Variants in ANKFY1 observed in about 807,000 individuals in gnomAD.
The protein encoded by ANKFY1 is ankyrin repeat and FYVE domain-containing protein 1.
ANKFY1 carries 47 observed loss-of-function variants against 128.3 expected under a neutral mutation model. The ratio of observed to expected loss-of-function variants is 0.37; its 90% CI spans 0.29 to 0.47. The LOEUF is 0.47. Ranked by LOEUF, ANKFY1 falls within the 20% of genes least tolerant of loss-of-function variation. The pLI is 1.00. For synonymous variants in ANKFY1, 553 were observed against 601.6 expected, an observed-to-expected ratio of 0.92 and a Z score of 1.18; for missense variants, 1,222 against 1,510.6, an observed-to-expected ratio of 0.81 and a Z score of 3.17.
chr17:4,237,796 T>C (rs1409581304), intron 2 of ANKFY1, among the ~76,000 whole-genome samples: 1 of 152,108 alleles, frequency 6.6e-6, no homozygotes, highest in Admixed American at 6.5e-5. Context: ...GTTGAAACAA[T>C]TAAGGACCTA....
rs2059194858 is a variant in ANKFY1, at chr17:4,165,437, G to C, written c.*2342C>G. ...TTTGTACGCAAGTGTTGACAGCAGG[G>C]AGAGCACGGGAAGGGCTGGAAGCAT... On this transcript the variant is annotated 3_prime_UTR_variant, in exon 25 of 25. Transcript: ENST00000341657. The C allele has an allele frequency of 6.6e-6, 1 of 152,238 alleles. No homozygotes were observed. Among genetic ancestry groups the C allele is most frequent in the African/African-American group, 2.4e-5 (1 of 41,462 alleles). The allele number at this position is 152,238 out of a possible 1,614,324, so 9.4% of individuals were successfully genotyped here. A position where few individuals can be genotyped will look rare whatever the true frequency, so the allele number is the denominator to read the frequency against.
At position 4,189,405 on chromosome 17, in the gene ANKFY1, G is replaced by C. The variant is rs1395232215; in HGVS notation, c.1447C>G (p.His483Asp). 2 of 1,588,476 alleles carry C rather than the reference G, an allele frequency of 1.3e-6. No individual in the cohort carries two copies. Among genetic ancestry groups the C allele is most frequent in the Admixed American group, 1.7e-5 (1 of 57,894 alleles). ...AALFLATNGA[H>D]VNHRNKWGET... ...ACCCACTTGTTTCTGTGGTTGACATGGGCACCGTTGGTTGCCAGGAAAAGA... is the reference window on the plus strand; with the variant it reads ...ACCCACTTGTTTCTGTGGTTGACATCGGCACCGTTGGTTGCCAGGAAAAGA... Residue 483 changes from histidine to aspartate, a missense_variant, in exon 11 of 25, where the codon CAT (histidine) becomes GAT (aspartate). His to Asp is a moderately conservative substitution (Grantham distance 81). Transcript: ENST00000341657.
intron 7 of ANKFY1, among the ~76,000 whole-genome samples, chr17:4,201,487 T>C (rs1412609583): frequency 6.0e-4 from 5 of 8,372 alleles, no homozygotes; most frequent in African/African-American, 6.3e-4. Flanking sequence ...TGATTTTTTT[T>C]TTTTTTTTTT....
chr17:4,180,033 G>A (rs928269851), intron 16 of ANKFY1, 156 bp from the exon 17 acceptor site: 21 of 897,730 alleles, frequency 2.3e-5, no homozygotes, highest in Non-Finnish European at 3.4e-5. Flanking sequence ...TACCAGAGTC[G>A]GGGTTCCACT....
intron 4 of ANKFY1, among the ~76,000 whole-genome samples, chr17:4,211,726 C>T (rs2060134139): frequency 2.0e-5 from 3 of 151,910 alleles, no homozygotes; most frequent in Admixed American, 1.3e-4. Context: ...AGAAATTAGG[C>T]AGGCATGGTA....
At chr17:4,202,696 CAAAAAA>C (rs60561665) in intron 7 of ANKFY1, among the ~76,000 whole-genome samples, 7 of 74,700 alleles carry the variant, frequency 9.4e-5, no homozygotes, top group African/African-American at 2.6e-4. Flanking sequence ...AACTCCGTCT[CAAAAAA>C]AAAAAAAAAA....
chr17:4,230,406 G>T (rs116808037), intron 3 of ANKFY1, among the ~76,000 whole-genome samples: 281 of 152,298 alleles, frequency 1.8e-3, no homozygotes, highest in African/African-American at 6.6e-3. Context: ...CTTCAAAACA[G>T]CCATTCTAAT....
intron 3 of ANKFY1, among the ~76,000 whole-genome samples, chr17:4,228,886 T>C (rs989851363): frequency 3.9e-5 from 6 of 152,224 alleles, no homozygotes; most frequent in Non-Finnish European, 8.8e-5. Flanking sequence ...CTGTGGTTAA[T>C]GGCACGAATT....
Position 4,252,569 on chromosome 17 carries a change from A to C in ANKFY1, c.11-10121T>G, listed in dbSNP as rs140736791. ...GGGTAACAAAAAACAAACAAACAAA[A>C]AAAAAATTGGAGAACTAGAAGCTAG... On this transcript the variant is annotated intron_variant, in intron 1 of 24. Coordinates refer to ENST00000341657, the MANE Select transcript of ANKFY1 (RefSeq NM_001330063.2). Among the ~76,000 whole-genome samples the C allele has an allele frequency of 6.8e-4, 103 of 152,054 alleles. 1 individual carries two copies. The highest frequency in any genetic ancestry group is 1.7e-3 in the African/African-American group (69 of 41,350).
intron 2 of ANKFY1, among the ~76,000 whole-genome samples, chr17:4,238,421 A>G (rs538306602): frequency 6.6e-6 from 1 of 152,050 alleles, no homozygotes; most frequent in Admixed American, 6.6e-5. Context: ...CCTATCTGAT[A>G]TTTAACTGTA....
chr17:4,196,436 G>A (rs1437357534), intron 8 of ANKFY1, among the ~76,000 whole-genome samples: 3 of 151,992 alleles, frequency 2.0e-5, no homozygotes, highest in Non-Finnish European at 2.9e-5. Flanking sequence ...AATGACAAGC[G>A]GGTCCCAACT....
At chr17:4,241,951 C>T (rs1245185821) in intron 2 of ANKFY1, among the ~76,000 whole-genome samples, 13 of 151,584 alleles carry the variant, frequency 8.6e-5, no homozygotes, top group Admixed American at 7.2e-4. Context: ...TAGCCGGGCA[C>T]GGTGGTGGGC....
chr17:4,224,284 G>A (rs1402170062), intron 3 of ANKFY1, among the ~76,000 whole-genome samples: 6 of 131,702 alleles, frequency 4.6e-5, no homozygotes, highest in African/African-American at 1.4e-4. Context: ...GTGCAGTGGC[G>A]CGATCTCGGC....
intron 4 of ANKFY1, 109 bp downstream of exon 4, chr17:4,216,874 C>G: frequency 6.7e-7 from 1 of 1,492,720 alleles, no homozygotes; most frequent in East Asian, 2.3e-5. Context: ...AAAGGAACAC[C>G]TTGCCAAGTT....
intron 21 of ANKFY1, 81 bp downstream of exon 21, chr17:4,173,273 G>A: frequency 7.2e-7 from 1 of 1,384,176 alleles, no homozygotes; most frequent in South Asian, 1.2e-5. Flanking sequence ...CCTCCCTGGG[G>A]CTGATGGGAG....
At chr17:4,224,231 T>TC (rs2060381261) in intron 3 of ANKFY1, among the ~76,000 whole-genome samples, 1 of 137,820 alleles carries the variant, frequency 7.3e-6, no homozygotes, top group African/African-American at 2.7e-5. Flanking sequence ...TTTTTTTTTT[T>TC]TTTTTTTTTT....
chr17:4,208,292 TA>T (rs1437384630), intron 5 of ANKFY1, among the ~76,000 whole-genome samples: 1 of 152,190 alleles, frequency 6.6e-6, no homozygotes, highest in African/African-American at 2.4e-5. Flanking sequence ...AGAGATTAGA[TA>T]ACTTGCTCAA....
rs151079351 is a variant in ANKFY1 at position 4,256,423 on chromosome 17, A to G, written c.10+7509T>C. 1.2e-3 allele frequency among the ~76,000 whole-genome samples: 188 copies of G among 152,196 alleles called. 2 individuals are homozygous for G. The East Asian group carries it at 0.029, about 23-fold the overall frequency. On this transcript the variant is annotated intron_variant, in intron 1 of 24. Transcript: ENST00000341657. ...AGCCTGGGCAATAGAGCGAGACTCC[A>G]TCTCAAAAAAAGAAAAAACTCCCAG...
chr17:4,195,492 G>A, intron 8 of ANKFY1, 21 bp from the exon 9 acceptor site: 1 of 1,610,990 alleles, frequency 6.2e-7, no homozygotes, highest in Non-Finnish European at 8.5e-7. Context: ...CAAAAGAAGA[G>A]GGGTCAGTTC....
Sources: gnomAD v4.1 joint callset for allele counts (sites outside exome capture counted in the v4.1 genomes callset) on GRCh38, gnomAD v4.1.1 for gene constraint, MANE v1.5 for transcripts, NCBI Gene and HGNC (gene_info 2026-07-23, HGNC 2026-07-21) for gene names.